ASB6: variants seen among roughly 807,000 people sequenced by gnomAD.
The protein encoded by ASB6 is ankyrin repeat and SOCS box containing 6, also known as ankyrin repeat and SOCS box protein 6.
In ASB6, 24 loss-of-function variants were observed where a neutral mutation model predicts 28.6. The ratio of observed to expected loss-of-function variants is 0.84; its 90% confidence interval spans 0.61 to 1.18. ASB6 has a LOEUF of 1.18. Ranked by LOEUF, ASB6 falls within the 50% of genes most tolerant of loss-of-function variation. The pLI, the probability that ASB6 is intolerant of heterozygous loss-of-function variation, is 0.00. For missense variants in ASB6, 519 were observed against 559.8 expected, an observed-to-expected ratio of 0.93 and a Z score of 0.74; for synonymous variants, 267 against 243.4, an observed-to-expected ratio of 1.10 and a Z score of -0.90.
chr9:129,640,820 C>G, intron 1 of ASB6, 98 bp from the exon 2 acceptor site: 1 of 1,423,800 alleles, frequency 7.0e-7, no homozygotes, highest in Non-Finnish European at 9.6e-7. Flanking sequence ...TCATCATCAG[C>G]AAGCAGGGCC....
Position 129,641,989 on chromosome 9 carries a change from A to G in ASB6, c.11T>C (p.Leu4Pro). The stretch of plus-strand genomic sequence containing the variant: ...GAAGATGATCCTCCGGAAGCCGTGC[A>G]GGAACGGCATCGCCGCGGGCCCCGC... MPFLHGFRRIIFEY... is the reference protein window; with the variant it reads MPFPHGFRRIIFEY... Residue 4 changes from leucine to proline, a missense_variant, in exon 1 of 6, where the codon CTG becomes CCG. Transcript: ENST00000277458. 1.3e-6 allele frequency: 2 copies of G among 1,596,484 alleles called. No individual in the cohort carries two copies. The highest frequency in any genetic ancestry group is 1.7e-6 in the Non-Finnish European group (2 of 1,172,692).
intron 2 of ASB6, among the ~76,000 whole-genome samples, 167 bp from the exon 3 acceptor site, chr9:129,639,675 A>T (rs752238773): frequency 6.6e-6 from 1 of 152,168 alleles, no homozygotes; most frequent in South Asian, 2.1e-4. Flanking sequence ...CAGATACTAG[A>T]GGGCCCTCGG....
In ASB6 at chr9:129,639,468, C is replaced by G. The variant is rs1026364095; in HGVS notation, c.336G>C (p.Leu112=). The G allele has an allele frequency of 6.8e-6, 11 of 1,613,760 alleles. No individual in the cohort carries two copies. Among genetic ancestry groups the G allele is most frequent in the African/African-American group, 1.3e-5 (1 of 74,930 alleles). Residue 112 remains leucine, a synonymous_variant, in exon 3 of 6, where the codon CTG becomes CTC. Transcript: ENST00000277458. ...TYYTALHIAV[L]RNQPDMVELL... ...GCTCCACCATGTCCGGCTGGTTCCG[C>G]AGGACGGCGATGTGCAAGGCCGTGT...
intron 4 of ASB6, 79 bp from the exon 5 acceptor site, chr9:129,638,738 T>C (rs1486596269): frequency 8.8e-7 from 1 of 1,130,412 alleles, no homozygotes; most frequent in African/African-American, 1.5e-5. Context: ...GTGGCAGAAA[T>C]CCAGACACTC....
In ASB6 at chr9:129,635,534, A is replaced by AG; in HGVS notation, c.*2255dup. 6.5e-7 allele frequency: 1 copy of AG among 1,540,508 alleles called. No homozygotes were observed. The highest frequency in any genetic ancestry group is 1.2e-5 in the South Asian group (1 of 82,126). Reference sequence around the variant, plus strand: ...GGGAGCTGGCAGCTGGGCAAGATCCAGGCGCCACGCTGGCGGTTCGTGAGT... The same window carrying AG: ...GGGAGCTGGCAGCTGGGCAAGATCCAGGGCGCCACGCTGGCGGTTCGTGAGT... On this transcript the variant is annotated 3_prime_UTR_variant, in exon 6 of 6. Coordinates refer to ENST00000277458, the MANE Select transcript of ASB6 (RefSeq NM_017873.4).
At position 129,641,884 on chromosome 9, in the gene ASB6, T is replaced by C; in HGVS notation, c.113+3A>G. Reference sequence around the variant, plus strand: ...GGCCAGCTCACGGGAGGGGGTGAGTTACCGGTCCAGAGACTCCTGCCGCTC... The same window carrying C: ...GGCCAGCTCACGGGAGGGGGTGAGTCACCGGTCCAGAGACTCCTGCCGCTC... On this transcript the variant is annotated splice_donor_region_variant and intron_variant, in intron 1 of 5. Coordinates refer to ENST00000277458, the MANE Select transcript of ASB6 (RefSeq NM_017873.4). 6.3e-7 allele frequency: 1 copy of C among 1,587,826 alleles called. No homozygotes were observed. Among genetic ancestry groups the C allele is most frequent in the South Asian group, 1.1e-5 (1 of 88,250 alleles).
In ASB6 at chr9:129,636,997, T is replaced by G. The variant is rs905821240; in HGVS notation, c.*793A>C. Reference sequence around the variant, plus strand: ...ACAATTCCCAATGACCAGTGCAGCTTGGAAGGGACTGAGGCTCGCAAGTGG... The same window carrying G: ...ACAATTCCCAATGACCAGTGCAGCTGGGAAGGGACTGAGGCTCGCAAGTGG... On this transcript the variant is annotated 3_prime_UTR_variant, in exon 6 of 6. Transcript: ENST00000277458. 3 of 152,212 alleles carry G rather than the reference T, an allele frequency of 2.0e-5. No homozygotes were observed. Among genetic ancestry groups the G allele is most frequent in the Non-Finnish European group, 2.9e-5 (2 of 68,054 alleles). 9.4% of individuals were successfully genotyped at this position (152,212 alleles called of 1,614,324 possible). A position where few individuals can be genotyped will look rare whatever the true frequency, so the allele number is the denominator to read the frequency against.
rs866067124 is a variant in ASB6, at chr9:129,638,384, G to A, written c.672C>T (p.Thr224=). 12 of 1,613,506 alleles carry A rather than the reference G, an allele frequency of 7.4e-6. No individual in the cohort carries two copies. Among genetic ancestry groups the A allele is most frequent in the Middle Eastern group, 1.6e-4 (1 of 6,082 alleles). Residue 224 remains threonine, a synonymous_variant, in exon 6 of 6, where the codon ACC becomes ACT. Transcript: ENST00000277458. ...FTCIIFLLGE[T]VGGDKEEAQM... ...GGGCCTCCTCTTTGTCCCCTCCCAC[G>A]GTCTCACCAAGCAGGAAGATGATGC...
rs1404461713 is a variant in ASB6 at position 129,635,191 on chromosome 9, G to A, written c.*2599C>T. ...GCTTGCATGGTGCCCTGGTAACCTTGCCTCTGCCCTCCCCAGGCCACCTCA... is the reference window on the plus strand; with the variant it reads ...GCTTGCATGGTGCCCTGGTAACCTTACCTCTGCCCTCCCCAGGCCACCTCA... On this transcript the variant is annotated 3_prime_UTR_variant, in exon 6 of 6. Transcript: ENST00000277458. The A allele has an allele frequency of 2.5e-6, 4 of 1,598,584 alleles. No homozygotes were observed. The Admixed American group carries it at 6.7e-5, about 27-fold the overall frequency.
rs564061407 is a variant in ASB6 at position 129,641,105 on chromosome 9, C to T, written c.114-383G>A. On this transcript the variant is annotated intron_variant, in intron 1 of 5. Coordinates refer to ENST00000277458, the MANE Select transcript of ASB6 (RefSeq NM_017873.4). ...CAGAAAGCCCTTCCATCCTCAAACC[C>T]GCAGGACCCCAGCCCCGGCAACACC... The T allele has an allele frequency of 1.3e-5, 3 of 229,268 alleles. No homozygotes were observed. In the South Asian group the frequency reaches 1.4e-4, roughly 11 times the overall value. 14.2% of individuals were successfully genotyped at this position (229,268 alleles called of 1,614,324 possible). A position where few individuals can be genotyped will look rare whatever the true frequency, so the allele number is the denominator to read the frequency against.
Position 129,635,550 on chromosome 9 carries a change from G to A in ASB6, c.*2240C>T. 2 of 1,459,392 alleles carry A rather than the reference G, an allele frequency of 1.4e-6. No individual in the cohort carries two copies. The highest frequency in any genetic ancestry group is 1.9e-6 in the Non-Finnish European group (2 of 1,077,330). The allele number at this position is 1,459,392 out of a possible 1,614,324, so 90.4% of individuals were successfully genotyped here. On this transcript the variant is annotated 3_prime_UTR_variant, in exon 6 of 6. Transcript: ENST00000277458. ...GCAAGATCCAGGCGCCACGCTGGCG[G>A]TTCGTGAGTGTCGAGGCACCACTAA...
intron 2 of ASB6, 88 bp downstream of exon 2, chr9:129,640,453 T>C (rs1317816899): frequency 6.7e-7 from 1 of 1,489,356 alleles, no homozygotes; most frequent in African/African-American, 1.4e-5. Context: ...CCTCAGAGGA[T>C]GGTAGAAGCC....
chr9:129,640,714 T>A lies in ASB6; in HGVS notation c.122A>T (p.Tyr41Phe). 1 of 1,613,910 alleles carries A rather than the reference T, an allele frequency of 6.2e-7. No homozygotes were observed. The highest frequency in any genetic ancestry group is 8.5e-7 in the Non-Finnish European group (1 of 1,179,966). ...ERQESLDRPSYVASEESRILV... is the reference protein window; with the variant it reads ...ERQESLDRPSFVASEESRILV... ...GATTCGGCTCTCCTCGCTGGCGACA[T>A]AACTGGGCCTGGGACAGGAGAGAGG... is the stretch of plus-strand genomic sequence containing the variant. The change falls in exon 2 of 6, where the codon TAT (tyrosine) becomes TTT (phenylalanine). Residue 41 changes from tyrosine to phenylalanine, a missense_variant. Physicochemically the swap from Tyr to Phe is conservative, Grantham distance 22. Coordinates refer to ENST00000277458, the MANE Select transcript of ASB6 (RefSeq NM_017873.4).
At chr9:129,641,791 A>T in intron 1 of ASB6, 96 bp downstream of exon 1, 1 of 1,264,666 alleles carries the variant, frequency 7.9e-7, no homozygotes, top group Non-Finnish European at 1.1e-6. Flanking sequence ...TCCTCTGTCA[A>T]GGGGGACGCA....
chr9:129,639,142 G>T, intron 4 of ASB6, 60 bp downstream of exon 4: 1 of 1,501,736 alleles, frequency 6.7e-7, no homozygotes, highest in African/African-American at 1.4e-5. Context: ...GGCACCCTGG[G>T]TGTCCCCCAC....
chr9:129,638,383 C>T lies in ASB6; in HGVS notation c.673G>A (p.Val225Met), dbSNP rs770450850. The change falls in exon 6 of 6, where the codon GTG (valine) becomes ATG (methionine). Residue 225 changes from valine to methionine, a missense_variant. Coordinates refer to ENST00000277458, the MANE Select transcript of ASB6 (RefSeq NM_017873.4). ...TGGGCCTCCTCTTTGTCCCCTCCCACGGTCTCACCAAGCAGGAAGATGATG... is the reference window on the plus strand; with the variant it reads ...TGGGCCTCCTCTTTGTCCCCTCCCATGGTCTCACCAAGCAGGAAGATGATG... ...TCIIFLLGETVGGDKEEAQMI... is the reference protein window; with the variant it reads ...TCIIFLLGETMGGDKEEAQMI... The T allele has an allele frequency of 1.5e-5, 24 of 1,613,664 alleles. No homozygotes were observed. The highest frequency in any genetic ancestry group is 6.7e-5 in the East Asian group (3 of 44,880).
chr9:129,637,654 A>C lies in ASB6; in HGVS notation c.*136T>G. The C allele has an allele frequency of 3.4e-6, 3 of 892,428 alleles. No homozygotes were observed. Among genetic ancestry groups the C allele is most frequent in the South Asian group, 4.9e-5 (2 of 40,468 alleles). The allele number at this position is 892,428 out of a possible 1,614,324, so 55.3% of individuals were successfully genotyped here. ...TGGAGTGATCACAGCTTCAGGCTCTACCTGGCTGGCTTTTCTCATGAAGGA... is the reference window on the plus strand; with the variant it reads ...TGGAGTGATCACAGCTTCAGGCTCTCCCTGGCTGGCTTTTCTCATGAAGGA... On this transcript the variant is annotated 3_prime_UTR_variant, in exon 6 of 6. Transcript: ENST00000277458.
Position 129,634,649 on chromosome 9 carries a change from C to T in ASB6, c.*3141G>A. On this transcript the variant is annotated 3_prime_UTR_variant, in exon 6 of 6. Coordinates refer to ENST00000277458, the MANE Select transcript of ASB6 (RefSeq NM_017873.4). ...TTTTTAATAAGATGAATAGTTTAAG[C>T]TTCGTGTCTAGCCCTGCACCCTCTT... The T allele has an allele frequency of 7.8e-6, 2 of 258,016 alleles. No individual in the cohort carries two copies. Among genetic ancestry groups the T allele is most frequent in the Non-Finnish European group, 1.5e-5 (2 of 134,596 alleles). The allele number at this position is 258,016 out of a possible 1,614,324, so 16.0% of individuals were successfully genotyped here.
intron 4 of ASB6, among the ~76,000 whole-genome samples, 184 bp downstream of exon 4, chr9:129,639,018 C>T (rs1425670462): frequency 2.6e-5 from 4 of 152,254 alleles, no homozygotes; most frequent in Non-Finnish European, 5.9e-5. Context: ...AATGACTGCA[C>T]TGCCTCTCTG....
Sources: allele counts gnomAD v4.1 joint callset (sites outside exome capture counted in the v4.1 genomes callset), GRCh38; gene constraint gnomAD v4.1.1; transcripts MANE v1.5; gene names NCBI Gene and HGNC (gene_info 2026-07-23, HGNC 2026-07-21).